TBX20: variants seen among roughly 807,000 people sequenced by gnomAD.
TBX20 encodes the protein T-box transcription factor TBX20.
TBX20 carries 8 observed loss-of-function variants against 42.9 expected under a neutral mutation model. The observed-to-expected ratio is 0.19, with a 90% CI of 0.11 to 0.34. The LOEUF is 0.34. TBX20 is among the 10% of genes least tolerant of loss of function. TBX20 has a pLI of 1.00. For missense variants in TBX20, 411 were observed against 566.0 expected, an observed-to-expected ratio of 0.73 and a Z score of 2.78; for synonymous variants, 198 against 222.8, an observed-to-expected ratio of 0.89 and a Z score of 0.99.
intron 5 of TBX20, among the ~76,000 whole-genome samples, chr7:35,237,675 G>GT (rs1170040302): frequency 6.6e-6 from 1 of 152,020 alleles, no homozygotes; most frequent in Non-Finnish European, 1.5e-5. Context: ...TATTTGTTTC[G>GT]TTTTTTGTAT....
At chr7:35,245,837 G>A (rs768340639) in intron 3 of TBX20, among the ~76,000 whole-genome samples, 2 of 152,108 alleles carry the variant, frequency 1.3e-5, no homozygotes, top group African/African-American at 4.8e-5. Flanking sequence ...CTGTGACAAC[G>A]CCTTAAATGC....
chr7:35,202,691 G>T lies in TBX20; in HGVS notation c.1083C>A (p.His361Gln), dbSNP rs2128709458. The change falls in exon 8 of 8, where the codon CAC becomes CAA. Residue 361 changes from histidine (H) to glutamine (Q), a missense_variant. Physicochemically the swap from His to Gln is conservative, Grantham distance 24 (BLOSUM62 0). Transcript: ENST00000408931. ...SSSSSFPGFQ[H>Q]PQSLTALGTS... The stretch of plus-strand genomic sequence containing the variant: ...TGCCAAGAGCAGTCAGGGACTGTGG[G>T]TGCTGAAACCCAGGAAAACTGGAAG... 1.9e-6 allele frequency: 3 copies of T among 1,609,228 alleles called. No homozygotes were observed. Among genetic ancestry groups the T allele is most frequent in the Non-Finnish European group, 2.5e-6 (3 of 1,177,758 alleles).
chr7:35,235,144 G>A (rs1789939216), intron 5 of TBX20, among the ~76,000 whole-genome samples: 1 of 151,804 alleles, frequency 6.6e-6, no homozygotes, highest in Admixed American at 6.6e-5. Flanking sequence ...TTTTTAAATA[G>A]CAAAATTTTA....
At chr7:35,238,984 C>T (rs1790022238) in intron 5 of TBX20, among the ~76,000 whole-genome samples, 2 of 152,056 alleles carry the variant, frequency 1.3e-5, no homozygotes, top group Non-Finnish European at 2.9e-5. Context: ...CACCTTACAG[C>T]TTCCAAAGGC....
rs150540075 is a variant in TBX20 at position 35,252,970 on chromosome 7, A to C, written c.127+524T>G. Among the ~76,000 whole-genome samples, 328 of 152,374 alleles carry C rather than the reference A, an allele frequency of 2.2e-3. 1 individual carries two copies. The highest frequency in any genetic ancestry group is 7.5e-3 in the African/African-American group (313 of 41,592). On this transcript the variant is annotated intron_variant, in intron 1 of 7. Transcript: ENST00000408931. ...AGTTATAAAATGATGTCTTGGTGATAAGTCTAGAGCTTCAGTGAATAAAAT... is the reference window on the plus strand; with the variant it reads ...AGTTATAAAATGATGTCTTGGTGATCAGTCTAGAGCTTCAGTGAATAAAAT...
chr7:35,219,997 A>C (rs911111511), intron 6 of TBX20, among the ~76,000 whole-genome samples: 1 of 152,200 alleles, frequency 6.6e-6, no homozygotes, highest in South Asian at 2.1e-4. Flanking sequence ...ATAGGGTGAT[A>C]TAAGCCTTTA....
Position 35,253,921 on chromosome 7 carries a change from G to A in TBX20, c.-301C>T, listed in dbSNP as rs1187172814. 1 of 375,036 alleles carries A rather than the reference G, an allele frequency of 2.7e-6. No homozygotes were observed. Among genetic ancestry groups the A allele is most frequent in the Admixed American group, 4.3e-5 (1 of 23,118 alleles). The allele number at this position is 375,036 out of a possible 1,614,324, so 23.2% of individuals were successfully genotyped here. On this transcript the variant is annotated 5_prime_UTR_variant, in exon 1 of 8. Transcript: ENST00000408931. ...GGCAGGACGACAGTCTGCACAGCCC[G>A]AAGGCGGAAACGAGCATCAACTGCA...
chr7:35,217,603 T>C (rs767340107), intron 6 of TBX20, among the ~76,000 whole-genome samples: 6 of 152,236 alleles, frequency 3.9e-5, no homozygotes, highest in Non-Finnish European at 8.8e-5. Context: ...AACTAAATAT[T>C]TTGTGGTGAC....
At chr7:35,233,847 A>T (rs1383885484) in intron 5 of TBX20, among the ~76,000 whole-genome samples, 7 of 152,248 alleles carry the variant, frequency 4.6e-5, no homozygotes, top group Non-Finnish European at 8.8e-5. Flanking sequence ...ATGAGGATAA[A>T]TCACCATGCA....
chr7:35,252,207 C>G (rs1790317399), intron 1 of TBX20, among the ~76,000 whole-genome samples: 1 of 152,130 alleles, frequency 6.6e-6, no homozygotes, highest in Non-Finnish European at 1.5e-5. Flanking sequence ...GGCCCCTAAA[C>G]AGCAATGTAT....
At chr7:35,232,774 C>T (rs1789891981) in intron 5 of TBX20, among the ~76,000 whole-genome samples, 1 of 152,180 alleles carries the variant, frequency 6.6e-6, no homozygotes, top group Non-Finnish European at 1.5e-5. Context: ...CCTGTAATCC[C>T]AGCGCTTTGG....
Position 35,251,354 on chromosome 7 carries a change from A to G in TBX20, c.128-1151T>C, listed in dbSNP as rs150436084. On this transcript the variant is annotated intron_variant, in intron 1 of 7. Transcript: ENST00000408931. ...TGTTTTATTTCCTACACATCCGTAC[A>G]TGAAGAAAACAGGAAACAGAGTGGT... 4.5e-3 allele frequency among the ~76,000 whole-genome samples: 684 copies of G among 152,332 alleles called. 4 individuals carry two copies. Among genetic ancestry groups the G allele is most frequent in the Non-Finnish European group, 7.3e-3 (496 of 68,018 alleles).
At chr7:35,242,862 G>A (rs1479685907) in intron 4 of TBX20, among the ~76,000 whole-genome samples, 3 of 152,164 alleles carry the variant, frequency 2.0e-5, no homozygotes, top group Non-Finnish European at 2.9e-5. Context: ...GCATCTATAA[G>A]AGAGGCTTCT....
At chr7:35,216,109 C>G (rs1382655331) in intron 6 of TBX20, among the ~76,000 whole-genome samples, 2 of 152,108 alleles carry the variant, frequency 1.3e-5, no homozygotes, top group African/African-American at 4.8e-5. Context: ...CGCTGCTGGC[C>G]CTTGACTGAA....
intron 6 of TBX20, 55 bp from the exon 7 acceptor site, chr7:35,204,637 C>T (rs111666016): frequency 2.5e-5 from 34 of 1,375,064 alleles, no homozygotes; most frequent in Non-Finnish European, 3.4e-5. Flanking sequence ...CTCAGAGATA[C>T]AGAGAGGTCT....
chr7:35,213,886 A>G (rs1406342355), intron 6 of TBX20, among the ~76,000 whole-genome samples: 1 of 149,292 alleles, frequency 6.7e-6, no homozygotes, highest in African/African-American at 2.5e-5. Flanking sequence ...GCAAAAAAAA[A>G]AAAAAAAAAA....
At chr7:35,234,627 G>T (rs1304317221) in intron 5 of TBX20, among the ~76,000 whole-genome samples, 2 of 151,990 alleles carry the variant, frequency 1.3e-5, no homozygotes, top group African/African-American at 4.8e-5. Context: ...CTTCAGGAAA[G>T]TTGCAAGAAT....
Position 35,213,904 on chromosome 7 carries a change from C to T in TBX20, c.891-9322G>A, listed in dbSNP as rs529131857. Among the ~76,000 whole-genome samples the T allele has an allele frequency of 3.2e-4, 29 of 90,718 alleles. No homozygotes were observed. In the East Asian group the frequency reaches 8.8e-3, roughly 28 times the overall value. 59.5% of individuals were successfully genotyped at this position (90,718 alleles called of 152,430 possible). A position where few individuals can be genotyped will look rare whatever the true frequency, so the allele number is the denominator to read the frequency against. On this transcript the variant is annotated intron_variant, in intron 6 of 7. Coordinates refer to ENST00000408931, the MANE Select transcript of TBX20 (RefSeq NM_001077653.2). Reference sequence around the variant, plus strand: ...AAAAAAAAAAAAAAAAAAAAAAATTCCCTGTCTAATGAGTGATGAGGGTAA... The same window carrying T: ...AAAAAAAAAAAAAAAAAAAAAAATTTCCTGTCTAATGAGTGATGAGGGTAA...
chr7:35,211,560 T>C (rs927534609), intron 6 of TBX20, among the ~76,000 whole-genome samples: 2 of 152,200 alleles, frequency 1.3e-5, no homozygotes, highest in African/African-American at 2.4e-5. Flanking sequence ...CAACTTGCAA[T>C]GGTTCAACTT....
Sources: gnomAD v4.1 joint callset for allele counts (sites outside exome capture counted in the v4.1 genomes callset) on GRCh38, gnomAD v4.1.1 for gene constraint, MANE v1.5 for transcripts, NCBI Gene and HGNC (gene_info 2026-07-23, HGNC 2026-07-21) for gene names.